Variants in TCP11L1 observed in about 807,000 individuals in gnomAD.
TCP11L1 encodes t-complex 11 like 1.
TCP11L1 carries 28 observed loss-of-function variants against 48.9 expected under a neutral mutation model. The observed-to-expected ratio is 0.57, with a 90% CI of 0.42 to 0.78. The LOEUF is 0.78. Among genes scored for constraint, TCP11L1 ranks in the 30% least tolerant of loss-of-function variants. TCP11L1 has a pLI of 0.00. For missense variants in TCP11L1, 505 were observed against 613.4 expected (o/e 0.82, Z 1.87); for synonymous variants, 204 against 231.9 (o/e 0.88, Z 1.09).
Position 33,065,810 on chromosome 11 carries a change from G to C in TCP11L1, c.973-20G>C. 6.2e-7 allele frequency: 1 copy of C among 1,603,494 alleles called. No individual in the cohort carries two copies. The highest frequency in any genetic ancestry group is 8.5e-7 in the Non-Finnish European group (1 of 1,172,184). ...AACCTGGACCTGCAGCTCAGCGATG[G>C]CCTCTTCTATTCATTACAGACAGTT... On this transcript the variant is annotated intron_variant, in intron 7 of 9. Transcript: ENST00000334274.
intron 2 of TCP11L1, among the ~76,000 whole-genome samples, chr11:33,051,757 G>T (rs1323909080): frequency 6.6e-6 from 1 of 152,118 alleles, no homozygotes; most frequent in Non-Finnish European, 1.5e-5. Flanking sequence ...ATCCTTGTCT[G>T]TTGACCACCT....
Position 33,059,123 on chromosome 11 carries a change from T to G in TCP11L1, c.775+28T>G, listed in dbSNP as rs755461446. 4.4e-6 allele frequency: 7 copies of G among 1,607,994 alleles called. No individual in the cohort carries two copies. In the South Asian group the frequency reaches 7.8e-5, roughly 18 times the overall value. On this transcript the variant is annotated intron_variant, in intron 6 of 9. Transcript: ENST00000334274. ...ATGTTGAATATTTTGTGGTACTTTT[T>G]TTGTTGTCTGTGGTTTTTCATTTTA...
chr11:33,049,409 A>G (rs1854091982), intron 2 of TCP11L1, among the ~76,000 whole-genome samples: 4 of 152,142 alleles, frequency 2.6e-5, no homozygotes, highest in Admixed American at 2.6e-4. Context: ...AGACTGAGAA[A>G]AGAAATAAGA....
At chr11:33,066,872 A>G (rs564835830) in intron 8 of TCP11L1, among the ~76,000 whole-genome samples, 6 of 152,314 alleles carry the variant, frequency 3.9e-5, no homozygotes, top group African/African-American at 1.4e-4. Context: ...GACCTAGTAC[A>G]CACTTAACAC....
At chr11:33,046,289 T>A (rs1167003726) in intron 2 of TCP11L1, among the ~76,000 whole-genome samples, 6 of 152,286 alleles carry the variant, frequency 3.9e-5, no homozygotes, top group Admixed American at 1.3e-4. Context: ...TTAATTTTTT[T>A]AAACAATTTT....
At chr11:33,045,946 T>G (rs935925122) in intron 2 of TCP11L1, among the ~76,000 whole-genome samples, 1 of 152,252 alleles carries the variant, frequency 6.6e-6, no homozygotes, top group African/African-American at 2.4e-5. Context: ...GAACATGTTC[T>G]GCTACTTGAG....
chr11:33,049,189 G>A (rs1240580362), intron 2 of TCP11L1, among the ~76,000 whole-genome samples: 1 of 148,782 alleles, frequency 6.7e-6, no homozygotes, highest in Non-Finnish European at 1.5e-5. Context: ...GGCGGAGGTT[G>A]CAGTGAGCCG....
rs1361150792 is a variant in TCP11L1 at position 33,065,752 on chromosome 11, TG to T, written c.973-73del. ...CTGAGGGAAGCTGCAGAGGCAGGTG[TG>T]GGGGCTGTGGCGCTCCCGCCCTCTG... is the stretch of plus-strand genomic sequence containing the variant. On this transcript the variant is annotated intron_variant, in intron 7 of 9. Coordinates refer to ENST00000334274, the MANE Select transcript of TCP11L1 (RefSeq NM_018393.4). The T allele has an allele frequency of 2.7e-6, 4 of 1,499,104 alleles. No individual in the cohort carries two copies. In the African/African-American group the frequency reaches 4.1e-5, roughly 16 times the overall value. 92.9% of individuals were successfully genotyped at this position (1,499,104 alleles called of 1,614,324 possible). A position where few individuals can be genotyped will look rare whatever the true frequency, so the allele number is the denominator to read the frequency against.
chr11:33,044,873 A>G (rs1853942632), intron 2 of TCP11L1, among the ~76,000 whole-genome samples: 1 of 152,212 alleles, frequency 6.6e-6, no homozygotes, highest in South Asian at 2.1e-4. Flanking sequence ...CAATATGTGT[A>G]GTTAGAAAGC....
At chr11:33,061,457 T>C (rs2133730615) in intron 6 of TCP11L1, 73 bp from the exon 7 acceptor site, 1 of 1,399,560 alleles carries the variant, frequency 7.1e-7, no homozygotes, top group East Asian at 2.4e-5. Flanking sequence ...AGGACATCGA[T>C]TGTCCCTTAA....
In TCP11L1 at chr11:33,061,674, AC is replaced by A; in HGVS notation, c.921del (p.Tyr307Ter). ...PRLSPVAVQN[Y>X]AYLKLLKWDH... ...CTGAGCCCTGTTGCTGTCCAGAATT[AC>A]GCTTACCTGAAGCTTCTGAAGTGGG... On this transcript the variant is annotated frameshift_variant, in exon 7 of 10. Coordinates refer to ENST00000334274, the MANE Select transcript of TCP11L1 (RefSeq NM_018393.4). LOFTEE classifies it high-confidence loss of function. 1 of 1,611,082 alleles carries A rather than the reference AC, an allele frequency of 6.2e-7. No individual in the cohort carries two copies. The highest frequency in any genetic ancestry group is 8.5e-7 in the Non-Finnish European group (1 of 1,178,530).
At chr11:33,061,253 G>A (rs1159166764) in intron 6 of TCP11L1, among the ~76,000 whole-genome samples, 2 of 152,174 alleles carry the variant, frequency 1.3e-5, no homozygotes, top group Non-Finnish European at 2.9e-5. Context: ...ACCATGCCTG[G>A]CTTATTCATT....
intron 7 of TCP11L1, among the ~76,000 whole-genome samples, chr11:33,062,379 A>C (rs1360086850): frequency 6.6e-6 from 1 of 151,940 alleles, no homozygotes; most frequent in Non-Finnish European, 1.5e-5. Context: ...TTTTATTTAA[A>C]TGAAATCATA....
intron 5 of TCP11L1, among the ~76,000 whole-genome samples, chr11:33,058,356 G>A (rs946433722): frequency 3.3e-5 from 5 of 151,938 alleles, no homozygotes; most frequent in African/African-American, 4.8e-5. Context: ...GCACCACCGT[G>A]CCCAGCTAAT....
chr11:33,049,861 T>C (rs1854106628), intron 2 of TCP11L1, among the ~76,000 whole-genome samples: 1 of 152,150 alleles, frequency 6.6e-6, no homozygotes, highest in Non-Finnish European at 1.5e-5. Flanking sequence ...ACAGACCCTT[T>C]ACAGGTGTTG....
chr11:33,053,713 A>G (rs938482063), intron 2 of TCP11L1, among the ~76,000 whole-genome samples: 1 of 152,238 alleles, frequency 6.6e-6, no homozygotes, highest in African/African-American at 2.4e-5. Context: ...TCCATTGACC[A>G]CTGCAGAGCT....
rs1251789309 is a variant in TCP11L1 at position 33,072,774 on chromosome 11, CTATT to C, written c.*101_*104del. 1.1e-5 allele frequency: 14 copies of C among 1,311,348 alleles called. No homozygotes were observed. Among genetic ancestry groups the C allele is most frequent in the Non-Finnish European group, 1.4e-5 (13 of 924,108 alleles). 81.2% of individuals were successfully genotyped at this position (1,311,348 alleles called of 1,614,324 possible). ...TGGAAAATGGCTATATAGTACATGT[CTATT>C]TAACAGCACCGATTCCAAAGGGAAG... is the stretch of plus-strand genomic sequence containing the variant. On this transcript the variant is annotated 3_prime_UTR_variant, in exon 10 of 10. Coordinates refer to ENST00000334274, the MANE Select transcript of TCP11L1 (RefSeq NM_018393.4).
intron 7 of TCP11L1, among the ~76,000 whole-genome samples, chr11:33,064,456 A>T (rs908139850): frequency 6.6e-6 from 1 of 152,208 alleles, no homozygotes; most frequent in Non-Finnish European, 1.5e-5. Context: ...CCATTCGATG[A>T]GCCTGTAAAC....
intron 2 of TCP11L1, among the ~76,000 whole-genome samples, chr11:33,053,056 A>G (rs1213407651): frequency 6.6e-6 from 1 of 150,856 alleles, no homozygotes; most frequent in Non-Finnish European, 1.5e-5. Context: ...TAAATCAGAA[A>G]CCCTGAGAGG....
Sources: gnomAD v4.1 joint callset for allele counts (sites outside exome capture counted in the v4.1 genomes callset) on GRCh38, gnomAD v4.1.1 for gene constraint, MANE v1.5 for transcripts, NCBI Gene and HGNC (gene_info 2026-07-23, HGNC 2026-07-21) for gene names.